Variants in NCSTN observed in about 807,000 individuals in gnomAD.
NCSTN encodes the protein nicastrin, also known as anterior pharynx-defective 2.
A neutral mutation model predicts 87.0 loss-of-function variants in NCSTN; 22 were observed. The ratio of observed to expected loss-of-function variants is 0.25; its 90% CI spans 0.18 to 0.36. The LOEUF (loss-of-function observed/expected upper bound fraction) is 0.36, where lower values mean the gene tolerates loss of function less well. Among genes scored for constraint, NCSTN ranks in the 10% least tolerant of loss-of-function variants. The pLI is 1.00. For missense variants in NCSTN, 693 were observed against 883.3 expected, an observed-to-expected ratio of 0.78 and a Z score of 2.73; for synonymous variants, 306 against 327.1, an observed-to-expected ratio of 0.94 and a Z score of 0.69.
chr1:160,344,957 G>T (rs1203540380), intron 2 of NCSTN, 131 bp downstream of exon 2: 2 of 794,604 alleles, frequency 2.5e-6, no homozygotes, highest in Non-Finnish European at 4.3e-6. Flanking sequence ...ACAGATAACC[G>T]TCTGTCAAGC....
chr1:160,349,162 G>A (rs200155625), intron 3 of NCSTN, 40 bp downstream of exon 3: 14 of 1,612,582 alleles, frequency 8.7e-6, no homozygotes, highest in Non-Finnish European at 8.5e-7. Context: ...CATCCATAGA[G>A]GGAAAGTTTC....
In NCSTN at chr1:160,344,394, G is replaced by A. The variant is rs367915771; in HGVS notation, c.86-328G>A. 7 of 1,282,478 alleles carry A rather than the reference G, an allele frequency of 5.5e-6. No homozygotes were observed. In the African/African-American group the frequency reaches 7.6e-5, roughly 14 times the overall value. The allele number at this position is 1,282,478 out of a possible 1,614,324, so 79.4% of individuals were successfully genotyped here. On this transcript the variant is annotated intron_variant, in intron 1 of 16. Transcript: ENST00000294785. ...AATATACATACAGGATATACAAGCA[G>A]AAGTGTGATCACCTGTGCAACCAGA...
At chr1:160,353,719 C>T (rs1019171965) in intron 10 of NCSTN, 6 of 984,812 alleles carry the variant, frequency 6.1e-6, no homozygotes, top group Admixed American at 6.2e-5. Context: ...ATCATCCCTG[C>T]TCTGGACTCC....
At chr1:160,351,583 TAG>T in intron 6 of NCSTN, 111 bp from the exon 7 acceptor site, 1 of 1,262,844 alleles carries the variant, frequency 7.9e-7, no homozygotes, top group South Asian at 1.2e-5. Flanking sequence ...CTGTTGGAAG[TAG>T]AGAAAACGAC....
chr1:160,358,309 C>T lies in NCSTN; in HGVS notation c.*38C>T, dbSNP rs760530728. 2 of 1,613,298 alleles carry T rather than the reference C, an allele frequency of 1.2e-6. No homozygotes were observed. The highest frequency in any genetic ancestry group is 1.7e-5 in the Admixed American group (1 of 60,012). On this transcript the variant is annotated 3_prime_UTR_variant, in exon 17 of 17. Coordinates refer to ENST00000294785, the MANE Select transcript of NCSTN (RefSeq NM_015331.3). ...CTTTTCTTGCCAGCTCAGCAGTTCA[C>T]TTCCTAGAGCATCTGTCCCACTGGG... is the stretch of plus-strand genomic sequence containing the variant.
At position 160,349,105 on chromosome 1, in the gene NCSTN, G is replaced by A. The variant is rs781274607; in HGVS notation, c.297G>A (p.Glu99=). The part of the protein sequence containing the change: ...GPNPPYMVLL[E]SKHFTRDLME... ...ACCCCCCTTACATGGTTCTGCTGGA[G>A]AGCAAGCATTTTACCAGGTAAGAAC... The change falls in exon 3 of 17, where the codon GAG becomes GAA. Residue 99 remains glutamate (E), a synonymous_variant. Coordinates refer to ENST00000294785, the MANE Select transcript of NCSTN (RefSeq NM_015331.3). 2 of 1,614,192 alleles carry A rather than the reference G, an allele frequency of 1.2e-6. No individual in the cohort carries two copies. Among genetic ancestry groups the A allele is most frequent in the African/African-American group, 2.7e-5 (2 of 75,060 alleles).
chr1:160,354,066 C>A, intron 10 of NCSTN, 52 bp from the exon 11 acceptor site: 1 of 1,578,770 alleles, frequency 6.3e-7, no homozygotes, highest in Non-Finnish European at 8.7e-7. Flanking sequence ...AAGAGACCTC[C>A]TGCTTCCCAT....
chr1:160,353,316 C>T (rs1400400741), intron 10 of NCSTN, 79 bp downstream of exon 10: 9 of 1,606,516 alleles, frequency 5.6e-6, no homozygotes, highest in East Asian at 2.2e-5. Context: ...TTTCCACCAA[C>T]CCCCAGGGCC....
chr1:160,348,850 A>G, intron 2 of NCSTN, 149 bp from the exon 3 acceptor site: 2 of 1,097,548 alleles, frequency 1.8e-6, no homozygotes, highest in Non-Finnish European at 2.8e-6. Flanking sequence ...GAGCTGGGGC[A>G]ACAGCTTTTC....
intron 4 of NCSTN, 56 bp from the exon 5 acceptor site, chr1:160,350,049 C>G: frequency 6.3e-7 from 1 of 1,581,694 alleles, no homozygotes; most frequent in Non-Finnish European, 8.7e-7. Flanking sequence ...TCACCTGGTT[C>G]CTAAGTACTT....
At chr1:160,354,333 A>G (rs1336459613) in intron 11 of NCSTN, 43 bp downstream of exon 11, 3 of 1,595,076 alleles carry the variant, frequency 1.9e-6, no homozygotes, top group Non-Finnish European at 1.7e-6. Context: ...TCTTGAAGAG[A>G]GTCTATTCTG....
chr1:160,352,110 T>C lies in NCSTN; in HGVS notation c.900T>C (p.Ala300=). ...CCCCAGGGGCTGAAAGCGCAGTGGC[T>C]TCCTTTGTCACCCAGCTGGCTGCTG... ...NVAPGAESAV[A]SFVTQLAAAE... is the part of the protein sequence containing the mutation. Residue 300 remains alanine (A), a synonymous_variant, in exon 8 of 17, where the codon GCT becomes GCC. Transcript: ENST00000294785. 6.2e-7 allele frequency: 1 copy of C among 1,614,244 alleles called. No individual in the cohort carries two copies. Among genetic ancestry groups the C allele is most frequent in the Non-Finnish European group, 8.5e-7 (1 of 1,180,040 alleles).
At chr1:160,344,449 C>T in intron 1 of NCSTN, 1 of 1,485,182 alleles carries the variant, frequency 6.7e-7, no homozygotes. Context: ...AAACACCTTT[C>T]CTTTGACCAA....
intron 11 of NCSTN, among the ~76,000 whole-genome samples, chr1:160,354,515 C>T (rs1309018093): frequency 6.6e-6 from 1 of 152,136 alleles, no homozygotes; most frequent in East Asian, 1.9e-4. Context: ...CCTTTACTGT[C>T]AACAATCCTT....
chr1:160,348,848 G>A, intron 2 of NCSTN, 151 bp from the exon 3 acceptor site: 1 of 1,062,134 alleles, frequency 9.4e-7, no homozygotes, highest in Non-Finnish European at 1.4e-6. Context: ...TGGAGCTGGG[G>A]CAACAGCTTT....
chr1:160,356,119 T>G (rs1270459185), intron 13 of NCSTN, 141 bp from the exon 14 acceptor site: 2 of 1,015,302 alleles, frequency 2.0e-6, no homozygotes, highest in African/African-American at 3.2e-5. Context: ...CATCTGCATC[T>G]TATGAGCCAG....
chr1:160,354,085 C>T (rs754388037), intron 10 of NCSTN, 33 bp from the exon 11 acceptor site: 7 of 1,606,028 alleles, frequency 4.4e-6, no homozygotes, highest in Non-Finnish European at 5.1e-6. Flanking sequence ...ATCCCCCAGC[C>T]TCCCATCAGT....
At chr1:160,357,006 C>T (rs754154035) in intron 15 of NCSTN, 35 bp from the exon 16 acceptor site, 1 of 1,569,982 alleles carries the variant, frequency 6.4e-7, no homozygotes, top group Non-Finnish European at 8.8e-7. Flanking sequence ...AAGAGGATCA[C>T]CCTAGCCGTG....
intron 13 of NCSTN, 90 bp downstream of exon 13, chr1:160,356,048 C>G: frequency 3.9e-6 from 5 of 1,276,658 alleles, no homozygotes; most frequent in South Asian, 1.2e-5. Context: ...CCTTGGAATT[C>G]CACATGACTG....
Sources: gnomAD v4.1 joint callset for allele counts (sites outside exome capture counted in the v4.1 genomes callset) on GRCh38, gnomAD v4.1.1 for gene constraint, MANE v1.5 for transcripts, NCBI Gene and HGNC (gene_info 2026-07-23, HGNC 2026-07-21) for gene names.